SUPT3H: variants seen among roughly 807,000 people sequenced by gnomAD.
The protein encoded by SUPT3H is transcription initiation protein SPT3 homolog.
In SUPT3H, 44 loss-of-function variants were observed where a neutral mutation model predicts 44.3. The observed-to-expected ratio is 0.99, with a 90% confidence interval of 0.78 to 1.28. The LOEUF (loss-of-function observed/expected upper bound fraction) is 1.28. SUPT3H is among the 50% of genes most tolerant of loss of function. The probability of loss-of-function intolerance (pLI) is 0.00; values close to 1 mark genes in which losing one functional copy is unlikely to be tolerated. For synonymous variants in SUPT3H, 124 were observed against 125.6 expected, an observed-to-expected ratio of 0.99 and a Z score of 0.09; for missense variants, 380 against 387.1, an observed-to-expected ratio of 0.98 and a Z score of 0.15.
chr6:44,947,920 T>C (rs1773615202), intron 9 of SUPT3H, among the ~76,000 whole-genome samples: 2 of 152,258 alleles, frequency 1.3e-5, no homozygotes, highest in African/African-American at 2.4e-5. Flanking sequence ...AATATCATCA[T>C]GACATGGGAG....
chr6:45,305,967 G>A (rs1782926404), intron 2 of SUPT3H, among the ~76,000 whole-genome samples: 2 of 152,180 alleles, frequency 1.3e-5, no homozygotes, highest in Admixed American at 1.3e-4. Context: ...GTCTACCTAG[G>A]AGCCTCTCTA....
intron 2 of SUPT3H, among the ~76,000 whole-genome samples, chr6:45,243,225 C>T (rs576442977): frequency 1.4e-4 from 17 of 120,992 alleles, no homozygotes; most frequent in Non-Finnish European, 1.2e-4. Context: ...AAAAAAGCTA[C>T]TATGTATTAT....
At chr6:44,825,918 T>C (rs1767711788), downstream of SUPT3H, among the ~76,000 whole-genome samples, 1 of 152,128 alleles carries the variant, frequency 6.6e-6, no homozygotes, top group Admixed American at 6.5e-5. Context: ...CTCCCAACAA[T>C]GAAATATGTA....
intron 3 of SUPT3H, among the ~76,000 whole-genome samples, chr6:45,045,832 T>C (rs898133279): frequency 2.0e-5 from 3 of 152,348 alleles, no homozygotes; most frequent in African/African-American, 7.2e-5. Flanking sequence ...TTGTCAGATA[T>C]ATGCATCACA....
At chr6:44,891,340 C>T (rs1406425437) in intron 10 of SUPT3H, among the ~76,000 whole-genome samples, 1 of 152,026 alleles carries the variant, frequency 6.6e-6, no homozygotes, top group Non-Finnish European at 1.5e-5. Flanking sequence ...ACATTATTCA[C>T]AATAGCCAAT....
At chr6:45,180,839 A>C (rs1472965117) in intron 2 of SUPT3H, among the ~76,000 whole-genome samples, 4 of 151,678 alleles carry the variant, frequency 2.6e-5, no homozygotes, top group Non-Finnish European at 4.4e-5. Context: ...CACCAAAAGC[A>C]ATGGCAACCA....
chr6:45,089,339 G>A (rs1348504404), intron 3 of SUPT3H, among the ~76,000 whole-genome samples: 4 of 151,894 alleles, frequency 2.6e-5, no homozygotes, highest in Non-Finnish European at 4.4e-5. Flanking sequence ...TTTACAATCA[G>A]GACTCAATTC....
intron 10 of SUPT3H, among the ~76,000 whole-genome samples, chr6:44,878,689 A>G (rs1212345959): frequency 1.3e-5 from 2 of 152,130 alleles, no homozygotes; most frequent in African/African-American, 2.4e-5. Context: ...ATTAATGAAG[A>G]AGGCGGGTGA....
intron 2 of SUPT3H, chr6:45,328,774 C>T: frequency 1.2e-6 from 2 of 1,611,998 alleles, no homozygotes; most frequent in Non-Finnish European, 1.7e-6. Flanking sequence ...GTCAGCAAAA[C>T]TTCTTTTGGG....
At chr6:44,870,934 TCAGA>T (rs1776331200) in intron 10 of SUPT3H, among the ~76,000 whole-genome samples, 1 of 151,640 alleles carries the variant, frequency 6.6e-6, no homozygotes, top group South Asian at 2.1e-4. Flanking sequence ...ATTGCGCTTT[TCAGA>T]CCGGCTTAAA....
chr6:45,200,436 T>A (rs1030491146), intron 2 of SUPT3H, among the ~76,000 whole-genome samples: 9 of 151,508 alleles, frequency 5.9e-5, no homozygotes, highest in Admixed American at 4.6e-4. Context: ...CTAAAGTATA[T>A]CCCATTTTGA....
chr6:45,113,790 A>G (rs1179789846), intron 2 of SUPT3H, among the ~76,000 whole-genome samples: 2 of 146,116 alleles, frequency 1.4e-5, no homozygotes, highest in Non-Finnish European at 3.0e-5. Context: ...AGATTGAGCC[A>G]TTGCACTCCA....
intron 2 of SUPT3H, among the ~76,000 whole-genome samples, chr6:45,272,774 C>T (rs962621275): frequency 8.6e-5 from 10 of 116,640 alleles, no homozygotes; most frequent in African/African-American, 3.1e-4. Context: ...CTTTGGCTGA[C>T]TTTCTCAAAA....
chr6:45,322,201 C>G (rs1046268798), intron 2 of SUPT3H, among the ~76,000 whole-genome samples: 2 of 151,802 alleles, frequency 1.3e-5, no homozygotes, highest in South Asian at 4.1e-4. Flanking sequence ...GTTCATTAAG[C>G]TGAATAAAGT....
chr6:45,155,846 G>A (rs116505175), intron 2 of SUPT3H, among the ~76,000 whole-genome samples: 3,202 of 152,164 alleles, frequency 0.021, 55 homozygotes, highest in Non-Finnish European at 0.031. Flanking sequence ...CTACTATGAA[G>A]CATTCTGTTG....
chr6:45,089,785 C>G (rs1420284751), intron 3 of SUPT3H, among the ~76,000 whole-genome samples: 3 of 151,910 alleles, frequency 2.0e-5, no homozygotes, highest in Non-Finnish European at 4.4e-5. Context: ...CTCCTTATAA[C>G]TGACCTCTCC....
intron 3 of SUPT3H, among the ~76,000 whole-genome samples, chr6:45,056,796 C>T (rs1791198823): frequency 6.6e-6 from 1 of 151,982 alleles, no homozygotes; most frequent in South Asian, 2.1e-4. Context: ...GAAATCATCA[C>T]TAAATAACTT....
chr6:45,158,435 C>T (rs1808376861), intron 2 of SUPT3H, among the ~76,000 whole-genome samples: 1 of 150,242 alleles, frequency 6.7e-6, no homozygotes, highest in Admixed American at 6.7e-5. Flanking sequence ...AGGAAGCATA[C>T]CTACGACTGG....
At chr6:45,280,226 G>A (rs1323241712) in intron 2 of SUPT3H, among the ~76,000 whole-genome samples, 1 of 152,112 alleles carries the variant, frequency 6.6e-6, no homozygotes, top group Non-Finnish European at 1.5e-5. Context: ...TATAGGCCAG[G>A]TGTCGTGGCT....
Sources: allele counts gnomAD v4.1 joint callset (sites outside exome capture counted in the v4.1 genomes callset), GRCh38; gene constraint gnomAD v4.1.1; transcripts MANE v1.5; gene names NCBI Gene and HGNC (gene_info 2026-07-23, HGNC 2026-07-21).